Variants in PNLIPRP1 observed in about 807,000 individuals in gnomAD.
The protein encoded by PNLIPRP1 is pancreatic lipase related protein 1.
A neutral mutation model predicts 54.6 loss-of-function variants in PNLIPRP1; 57 were observed. The ratio of observed to expected loss-of-function variants is 1.04; its 90% CI spans 0.84 to 1.30. The LOEUF (loss-of-function observed/expected upper bound fraction) is 1.30, where lower values mean the gene tolerates loss of function less well. Ranked by LOEUF, PNLIPRP1 falls within the 50% of genes most tolerant of loss-of-function variation. The pLI is 0.00. For missense variants in PNLIPRP1, 567 were observed against 568.5 expected, an observed-to-expected ratio of 1.00 and a Z score of 0.03; for synonymous variants, 232 against 208.8, an observed-to-expected ratio of 1.11 and a Z score of -0.96.
At chr10:116,593,730 G>A (rs1847682807) in intron 4 of PNLIPRP1, 1 of 152,268 alleles carries the variant, frequency 6.6e-6, no homozygotes, top group Non-Finnish European at 1.5e-5. Flanking sequence ...GGCCGAGGCG[G>A]GTGGATCACC....
chr10:116,603,773 G>A (rs1346180370), intron 10 of PNLIPRP1, among the ~76,000 whole-genome samples: 3 of 152,116 alleles, frequency 2.0e-5, no homozygotes, highest in Non-Finnish European at 4.4e-5. Context: ...TGTGCCTGTA[G>A]TCCCAGCTAC....
intron 12 of PNLIPRP1, among the ~76,000 whole-genome samples, chr10:116,607,863 G>A (rs1464068847): frequency 2.0e-5 from 3 of 152,126 alleles, no homozygotes; most frequent in Admixed American, 2.0e-4. Context: ...ACAGTCGTGG[G>A]AGAATGACTG....
At chr10:116,605,798 A>C (rs1847927375) in intron 12 of PNLIPRP1, among the ~76,000 whole-genome samples, 1 of 152,230 alleles carries the variant, frequency 6.6e-6, no homozygotes, top group African/African-American at 2.4e-5. Context: ...TTTCAAGGTA[A>C]AATGAGAAAA....
intron 5 of PNLIPRP1, chr10:116,595,084 AT>A: frequency 1.9e-6 from 1 of 534,716 alleles, no homozygotes; most frequent in Non-Finnish European, 3.3e-6. Context: ...ATCATCTTCA[AT>A]TTACAGATAA....
intron 8 of PNLIPRP1, among the ~76,000 whole-genome samples, chr10:116,599,320 T>C (rs1847792381): frequency 2.6e-5 from 3 of 114,070 alleles, no homozygotes; most frequent in Non-Finnish European, 6.0e-5. Context: ...TGAGGACATA[T>C]GCAGTTTGTC....
intron 10 of PNLIPRP1, among the ~76,000 whole-genome samples, chr10:116,602,241 G>A (rs890572573): frequency 1.3e-5 from 2 of 152,010 alleles, no homozygotes; most frequent in African/African-American, 2.4e-5. Flanking sequence ...GGATGGTCTC[G>A]ATCTCCTGAC....
Position 116,596,144 on chromosome 10 carries a change from A to G in PNLIPRP1, c.466-70A>G, listed in dbSNP as rs998079728. The G allele has an allele frequency of 7.9e-6, 8 of 1,010,228 alleles. No homozygotes were observed. In the Admixed American group the frequency reaches 1.4e-4, roughly 18 times the overall value. 62.6% of individuals were successfully genotyped at this position (1,010,228 alleles called of 1,614,324 possible). ...GGAAGGTTTTCAGCAGAGGAGTAAT[A>G]TCCATTAGGCTGGCATTTTAGAAAA... On this transcript the variant is annotated intron_variant, in intron 5 of 12. Coordinates refer to ENST00000358834, the MANE Select transcript of PNLIPRP1 (RefSeq NM_006229.4).
chr10:116,601,077 G>A lies in PNLIPRP1; in HGVS notation c.939G>A (p.Lys313=). The A allele has an allele frequency of 6.2e-7, 1 of 1,611,540 alleles. No homozygotes were observed. The highest frequency in any genetic ancestry group is 8.5e-7 in the Non-Finnish European group (1 of 1,179,314). Residue 313 remains lysine (K), a synonymous_variant, in exon 10 of 13, where the codon AAG becomes AAA. Coordinates refer to ENST00000358834, the MANE Select transcript of PNLIPRP1 (RefSeq NM_006229.4). The part of the protein sequence containing the change: ...CTSYKSFESD[K]CFPCPDQGCP... Reference sequence around the variant, plus strand: ...CATCTATCTCTTCTCATTAGGACAAGTGCTTCCCGTGTCCAGATCAAGGAT... The same window carrying A: ...CATCTATCTCTTCTCATTAGGACAAATGCTTCCCGTGTCCAGATCAAGGAT...
At position 116,592,541 on chromosome 10, in the gene PNLIPRP1, G is replaced by T. The variant is rs781795118; in HGVS notation, c.330G>T (p.Lys110Asn). Residue 110 changes from lysine to asparagine, a missense_variant and splice_region_variant, in exon 4 of 13, where the codon AAG becomes AAT. Lys to Asn is a moderately conservative substitution (Grantham distance 94). Coordinates refer to ENST00000358834, the MANE Select transcript of PNLIPRP1 (RefSeq NM_006229.4). The part of the protein sequence containing the change: ...GDESWVTDMC[K>N]KLFEVEEVNC... ...AGAGCTGGGTGACAGACATGTGCAA[G>T]GTAGGAGCCAGCTCTGATCCCTGTG... The T allele has an allele frequency of 7.4e-6, 12 of 1,614,136 alleles. No homozygotes were observed. In the South Asian group the frequency reaches 1.3e-4, roughly 18 times the overall value.
intron 4 of PNLIPRP1, chr10:116,594,325 G>C (rs782795841): frequency 1.9e-6 from 1 of 516,518 alleles, no homozygotes; most frequent in Non-Finnish European, 3.9e-6. Flanking sequence ...GCAGCCTGGG[G>C]CATCGCCAAG....
intron 2 of PNLIPRP1, among the ~76,000 whole-genome samples, 195 bp from the exon 3 acceptor site, chr10:116,591,576 A>G (rs1253500798): frequency 2.0e-5 from 3 of 151,856 alleles, no homozygotes; most frequent in African/African-American, 7.2e-5. Context: ...TGTGGGATTC[A>G]ATGGGACTGA....
At chr10:116,601,741 G>A (rs1419737993) in intron 10 of PNLIPRP1, among the ~76,000 whole-genome samples, 3 of 152,202 alleles carry the variant, frequency 2.0e-5, no homozygotes, top group Admixed American at 6.5e-5. Flanking sequence ...AAGACACAGG[G>A]TAGAGACTGG....
chr10:116,597,022 C>T (rs1017138069), intron 6 of PNLIPRP1, among the ~76,000 whole-genome samples: 4 of 152,148 alleles, frequency 2.6e-5, no homozygotes, highest in African/African-American at 9.7e-5. Flanking sequence ...AGCCACACAA[C>T]TCATCAGTGG....
intron 5 of PNLIPRP1, 63 bp downstream of exon 5, chr10:116,594,927 A>C (rs879984874): frequency 6.4e-7 from 1 of 1,570,346 alleles, no homozygotes; most frequent in South Asian, 1.1e-5. Flanking sequence ...TGTTTGGTAG[A>C]GATGCAGCTG....
In PNLIPRP1 at chr10:116,597,940, A is replaced by G. The variant is rs782553209; in HGVS notation, c.687A>G (p.Pro229=). 1 of 1,614,190 alleles carries G rather than the reference A, an allele frequency of 6.2e-7. No individual in the cohort carries two copies. Among genetic ancestry groups the G allele is most frequent in the Non-Finnish European group, 8.5e-7 (1 of 1,180,040 alleles). ...VIHTDAAPLI[P]FLGFGTNQQM... is the part of the protein sequence containing the mutation. The stretch of plus-strand genomic sequence containing the variant: ...ACACGGATGCAGCTCCCCTGATCCC[A>G]TTCTTGGGTGAGACCTATGATGCTC... Residue 229 remains proline (P), a synonymous_variant, in exon 7 of 13, where the codon CCA becomes CCG. Coordinates refer to ENST00000358834, the MANE Select transcript of PNLIPRP1 (RefSeq NM_006229.4).
chr10:116,596,177 C>CA (rs1589571145), intron 5 of PNLIPRP1, 37 bp from the exon 6 acceptor site: 3 of 1,418,424 alleles, frequency 2.1e-6, no homozygotes, highest in Middle Eastern at 1.8e-4. Flanking sequence ...AAAACCACAG[C>CA]AAAAAATGTC....
At chr10:116,600,607 T>A (rs1365020731) in intron 9 of PNLIPRP1, 4 of 174,262 alleles carry the variant, frequency 2.3e-5, no homozygotes, top group Non-Finnish European at 4.9e-5. Context: ...AGGGGAGAGA[T>A]GAAGAATGAC....
chr10:116,599,677 A>G (rs1156413465), intron 8 of PNLIPRP1, among the ~76,000 whole-genome samples: 3 of 152,188 alleles, frequency 2.0e-5, no homozygotes, highest in African/African-American at 7.2e-5. Context: ...GGCCGAAGAC[A>G]AGATGGGCAT....
Position 116,591,758 on chromosome 10 carries a change from C to A in PNLIPRP1, c.50-13C>A. On this transcript the variant is annotated splice_polypyrimidine_tract_variant and intron_variant, in intron 2 of 12. Coordinates refer to ENST00000358834, the MANE Select transcript of PNLIPRP1 (RefSeq NM_006229.4). ...AGAGCAAATCCTTGAGCAGATTCAA[C>A]CTTTCTCTGTAGGAAAAGAAGTTTG... 1 of 1,613,840 alleles carries A rather than the reference C, an allele frequency of 6.2e-7. No homozygotes were observed. Among genetic ancestry groups the A allele is most frequent in the South Asian group, 1.1e-5 (1 of 91,040 alleles).
Sources: gnomAD v4.1 joint callset for allele counts (sites outside exome capture counted in the v4.1 genomes callset) on GRCh38, gnomAD v4.1.1 for gene constraint, MANE v1.5 for transcripts, NCBI Gene and HGNC (gene_info 2026-07-23, HGNC 2026-07-21) for gene names.